Variants in WASHC2C observed in about 807,000 individuals in gnomAD.
WASHC2C encodes WASH complex subunit 2C.
A neutral mutation model predicts 142.2 loss-of-function variants in WASHC2C; 73 were observed. That is an observed-to-expected ratio of 0.51 (90% CI 0.43 to 0.62). The LOEUF (loss-of-function observed/expected upper bound fraction) is 0.62. WASHC2C is among the 20% of genes least tolerant of loss of function. The pLI is 0.00. For synonymous variants in WASHC2C, 337 were observed against 565.5 expected (o/e 0.60, Z 5.73); for missense variants, 969 against 1,531.7 (o/e 0.63, Z 6.13).
intron 20 of WASHC2C, among the ~76,000 whole-genome samples, chr10:45,770,796 G>A (rs1432942250): frequency 6.6e-5 from 10 of 152,094 alleles, no homozygotes; most frequent in Admixed American, 5.9e-4. Context: ...ATAACCTTGG[G>A]CAAGTTACCT....
intron 23 of WASHC2C, among the ~76,000 whole-genome samples, chr10:45,784,252 G>GTGTGTATATA (rs1554888863): frequency 2.5e-5 from 1 of 40,736 alleles, no homozygotes; most frequent in African/African-American, 7.7e-5. Context: ...GTGTGTGTGT[G>GTGTGTATATA]TATATATATA....
chr10:45,761,867 C>G (rs187328906), intron 17 of WASHC2C, among the ~76,000 whole-genome samples: 2 of 152,300 alleles, frequency 1.3e-5, no homozygotes, highest in African/African-American at 4.8e-5. Flanking sequence ...CACGGGATGC[C>G]TGGAATCCCC....
chr10:45,784,922 A>G (rs372605608), intron 25 of WASHC2C, 21 bp downstream of exon 25: 33 of 1,605,098 alleles, frequency 2.1e-5, no homozygotes, highest in African/African-American at 6.7e-5. Context: ...TTTGTTCTCA[A>G]TACTGGGTTG....
intron 11 of WASHC2C, 144 bp downstream of exon 11, chr10:45,751,697 G>A (rs1589704865): frequency 6.5e-7 from 1 of 1,532,844 alleles, no homozygotes; most frequent in East Asian, 2.3e-5. Flanking sequence ...AAGCCTCTGG[G>A]CTGGACGCGG....
chr10:45,785,036 G>A, intron 25 of WASHC2C, 135 bp downstream of exon 25: 1 of 1,591,182 alleles, frequency 6.3e-7, no homozygotes. Context: ...CAAATAACAT[G>A]CCGAGGGGAG....
At chr10:45,759,610 G>A (rs1171383205) in intron 17 of WASHC2C, among the ~76,000 whole-genome samples, 16 of 152,104 alleles carry the variant, frequency 1.1e-4, no homozygotes, top group African/African-American at 3.9e-4. Context: ...CCTGAGGTCA[G>A]GAGTTGGAGA....
chr10:45,770,328 C>T (rs1382273270), intron 20 of WASHC2C, among the ~76,000 whole-genome samples: 1 of 146,554 alleles, frequency 6.8e-6, no homozygotes, highest in Non-Finnish European at 1.5e-5. Flanking sequence ...TAGAGCTGTG[C>T]AGTATCACTC....
chr10:45,766,594 TG>T (rs1405687646), intron 19 of WASHC2C, among the ~76,000 whole-genome samples: 1 of 144,482 alleles, frequency 6.9e-6, no homozygotes, highest in Non-Finnish European at 1.5e-5. Flanking sequence ...TCTTGTTAAA[TG>T]ACTACTGTGT....
intron 6 of WASHC2C, among the ~76,000 whole-genome samples, chr10:45,743,976 T>C (rs1225107437): frequency 2.6e-5 from 4 of 151,708 alleles, no homozygotes; most frequent in Non-Finnish European, 5.9e-5. Context: ...CTCGAATTCC[T>C]GACCTCATGA....
At chr10:45,782,341 A>G (rs1339249285) in intron 23 of WASHC2C, among the ~76,000 whole-genome samples, 3 of 150,632 alleles carry the variant, frequency 2.0e-5, no homozygotes, top group African/African-American at 7.3e-5. Flanking sequence ...AAGAAGATAG[A>G]CAAATGGCCA....
rs182442683 is a variant in WASHC2C, at chr10:45,750,818, G to A, written c.911G>A (p.Arg304Gln). The A allele has an allele frequency of 1.9e-5, 30 of 1,548,182 alleles. No homozygotes were observed. Among genetic ancestry groups the A allele is most frequent in the African/African-American group, 2.8e-5 (2 of 71,742 alleles). ...AARIKGDAMGRVDEEPTTLPS... is the reference protein window; with the variant it reads ...AARIKGDAMGQVDEEPTTLPS... ...CGCATCAAGGGGGATGCCATGGGTC[G>A]AGTGGACGAGGAGCCGACAAGTGAG... Residue 304 changes from arginine (R) to glutamine (Q), a missense_variant, in exon 10 of 31, where the codon CGA becomes CAA. Transcript: ENST00000623400.
At chr10:45,749,957 C>G (rs1554873423) in intron 8 of WASHC2C, 139 bp from the exon 9 acceptor site, 1 of 644,052 alleles carries the variant, frequency 1.6e-6, no homozygotes, top group African/African-American at 2.1e-5. Flanking sequence ...ACATCTTTTG[C>G]TTCATAACTT....
chr10:45,753,179 G>C lies in WASHC2C; in HGVS notation c.1123-1G>C. 1.6e-6 allele frequency: 2 copies of C among 1,235,680 alleles called. No individual in the cohort carries two copies. Among genetic ancestry groups the C allele is most frequent in the South Asian group, 3.0e-5 (2 of 65,772 alleles). 76.5% of individuals were successfully genotyped at this position (1,235,680 alleles called of 1,614,324 possible). ...TTTGTCATATACCTTATTTCAACCA[G>C]AGTGACCTCTTCACGGAAGCCTCCC... On this transcript the variant is annotated splice_acceptor_variant, in intron 12 of 30. Transcript: ENST00000623400. LOFTEE classifies it high-confidence loss of function.
chr10:45,776,204 A>G (rs1267222513), intron 21 of WASHC2C, among the ~76,000 whole-genome samples: 8 of 151,974 alleles, frequency 5.3e-5, no homozygotes, highest in African/African-American at 1.9e-4. Flanking sequence ...ATGATTAGCA[A>G]TGTCCTTCCT....
intron 14 of WASHC2C, 116 bp from the exon 15 acceptor site, chr10:45,754,820 T>G (rs2054040120): frequency 3.3e-5 from 45 of 1,357,938 alleles, no homozygotes; most frequent in Non-Finnish European, 4.4e-5. Flanking sequence ...GGCCCTGTTA[T>G]GCATTTTGTG....
At chr10:45,728,349 T>C (rs2050149869) in intron 2 of WASHC2C, among the ~76,000 whole-genome samples, 1 of 152,168 alleles carries the variant, frequency 6.6e-6, no homozygotes, top group African/African-American at 2.4e-5. Flanking sequence ...ATTTTAAATT[T>C]TTCCAGAAAC....
chr10:45,769,320 G>A lies in WASHC2C; in HGVS notation c.1870-129G>A, dbSNP rs375410970. On this transcript the variant is annotated intron_variant, in intron 19 of 30. Transcript: ENST00000623400. ...TTTTTAGTAGAGATGGGGTTTCACC[G>A]TGTTAGCAAGGATGGTCTTGATCTG... is the stretch of plus-strand genomic sequence containing the variant. The A allele has an allele frequency of 9.8e-3, 13,785 of 1,404,686 alleles. 901 individuals are homozygous for A. The East Asian group carries it at 0.18, about 19-fold the overall frequency. The allele number at this position is 1,404,686 out of a possible 1,614,324, so 87.0% of individuals were successfully genotyped here. A position where few individuals can be genotyped will look rare whatever the true frequency, so the allele number is the denominator to read the frequency against.
chr10:45,791,321 T>C (rs2058382172), intron 30 of WASHC2C, among the ~76,000 whole-genome samples: 1 of 151,780 alleles, frequency 6.6e-6, no homozygotes, highest in South Asian at 2.1e-4. Context: ...AAAAAAGTAA[T>C]ACATGCTTAT....
At chr10:45,729,065 G>A in intron 3 of WASHC2C, 39 bp downstream of exon 3, 1 of 1,561,660 alleles carries the variant, frequency 6.4e-7, no homozygotes, top group Non-Finnish European at 8.7e-7. Context: ...TTTTTTGGGA[G>A]TAGGAGATAT....
Sources: allele counts gnomAD v4.1 joint callset (sites outside exome capture counted in the v4.1 genomes callset), GRCh38; gene constraint gnomAD v4.1.1; transcripts MANE v1.5; gene names NCBI Gene and HGNC (gene_info 2026-07-23, HGNC 2026-07-21).